Variants in AFAP1L2 observed in about 807,000 individuals in gnomAD.
AFAP1L2 encodes the protein actin filament associated protein 1 like 2.
A neutral mutation model predicts 99.3 loss-of-function variants in AFAP1L2; 46 were observed. The observed-to-expected ratio is 0.46, with a 90% CI of 0.37 to 0.59. The LOEUF (loss-of-function observed/expected upper bound fraction) is 0.59, where lower values mean the gene tolerates loss of function less well. Among genes scored for constraint, AFAP1L2 ranks in the 20% least tolerant of loss-of-function variants. AFAP1L2 has a pLI of 0.00. For synonymous variants in AFAP1L2, 397 were observed against 419.1 expected, an observed-to-expected ratio of 0.95 and a Z score of 0.64; for missense variants, 959 against 1,034.9, an observed-to-expected ratio of 0.93 and a Z score of 1.01.
At chr10:114,399,582 T>G (rs1483792464) in intron 1 of AFAP1L2, among the ~76,000 whole-genome samples, 1 of 152,212 alleles carries the variant, frequency 6.6e-6, no homozygotes, top group Non-Finnish European at 1.5e-5. Context: ...TAGGCCTCAG[T>G]TGGCCTGTCT....
At chr10:114,369,721 G>A (rs1394980964) in intron 1 of AFAP1L2, among the ~76,000 whole-genome samples, 4 of 151,912 alleles carry the variant, frequency 2.6e-5, no homozygotes, top group Non-Finnish European at 5.9e-5. Context: ...TGCCATTCTG[G>A]TTTTACCTAT....
At chr10:114,365,872 A>G (rs1248376024) in intron 1 of AFAP1L2, among the ~76,000 whole-genome samples, 3 of 151,858 alleles carry the variant, frequency 2.0e-5, no homozygotes, top group African/African-American at 4.8e-5. Context: ...GACTACATAC[A>G]GCATGGGCCA....
In AFAP1L2 at chr10:114,304,950, T is replaced by G; in HGVS notation, c.1073-20A>C. 6.8e-7 allele frequency: 1 copy of G among 1,474,494 alleles called. No individual in the cohort carries two copies. The highest frequency in any genetic ancestry group is 1.1e-5 in the South Asian group (1 of 89,270). 91.3% of individuals were successfully genotyped at this position (1,474,494 alleles called of 1,614,324 possible). ...GGTAACCTGCAGGAGGAAGTGCAGA[T>G]GCAGGAGGGGACAGGGCTGCAGGAG... On this transcript the variant is annotated intron_variant, in intron 10 of 18. Coordinates refer to ENST00000304129, the MANE Select transcript of AFAP1L2 (RefSeq NM_001001936.3).
chr10:114,360,044 G>T (rs1718787424), intron 1 of AFAP1L2, among the ~76,000 whole-genome samples: 1 of 152,166 alleles, frequency 6.6e-6, no homozygotes, highest in Admixed American at 6.5e-5. Flanking sequence ...CCAGGCATTT[G>T]GTCGAACATT....
At chr10:114,290,373 G>T, downstream of AFAP1L2, 1 of 1,550,428 alleles carries the variant, frequency 6.4e-7, no homozygotes, top group South Asian at 1.2e-5. Flanking sequence ...ACCGTGAGTG[G>T]AGCTCTTGCT....
chr10:114,364,411 C>A (rs116033368), intron 1 of AFAP1L2, among the ~76,000 whole-genome samples: 11 of 152,282 alleles, frequency 7.2e-5, no homozygotes, highest in Non-Finnish European at 1.2e-4. Context: ...TGGGGAAGAA[C>A]CTTACTTGGC....
At chr10:114,353,314 C>G (rs137862786) in intron 1 of AFAP1L2, among the ~76,000 whole-genome samples, 123 of 152,340 alleles carry the variant, frequency 8.1e-4, no homozygotes, top group African/African-American at 2.8e-3. Context: ...TAGATTCAGC[C>G]ATGACTCAAA....
chr10:114,368,938 A>G (rs2053689304), intron 1 of AFAP1L2, among the ~76,000 whole-genome samples: 1 of 152,066 alleles, frequency 6.6e-6, no homozygotes, highest in African/African-American at 2.4e-5. Flanking sequence ...TTATTTGTCA[A>G]TTATGTCTCA....
intron 1 of AFAP1L2, among the ~76,000 whole-genome samples, chr10:114,401,597 C>T (rs1197111780): frequency 6.6e-6 from 1 of 152,088 alleles, no homozygotes; most frequent in Non-Finnish European, 1.5e-5. Flanking sequence ...CATAAAAGTG[C>T]CATCTCTCTA....
chr10:114,389,693 G>A (rs1173569757), intron 1 of AFAP1L2, among the ~76,000 whole-genome samples: 1 of 152,200 alleles, frequency 6.6e-6, no homozygotes, highest in East Asian at 1.9e-4. Flanking sequence ...CCCCCGTTCT[G>A]TGACAATGGT....
chr10:114,310,094 T>G (rs2042995593), intron 8 of AFAP1L2, among the ~76,000 whole-genome samples: 1 of 152,036 alleles, frequency 6.6e-6, no homozygotes, highest in Non-Finnish European at 1.5e-5. Flanking sequence ...CGCCTGGCTA[T>G]TTTTGTATTT....
intron 1 of AFAP1L2, among the ~76,000 whole-genome samples, chr10:114,382,888 C>T (rs2055890478): frequency 6.6e-6 from 1 of 152,096 alleles, no homozygotes; most frequent in African/African-American, 2.4e-5. Flanking sequence ...AGCCACCATG[C>T]CCAGCAATAT....
the AFAP1L2 span, chr10:114,289,029 G>T: frequency 6.2e-7 from 1 of 1,614,192 alleles, no homozygotes; most frequent in South Asian, 1.1e-5. Flanking sequence ...AGAGCTTTGT[G>T]AGAAGCTGTG....
intron 1 of AFAP1L2, chr10:114,398,770 G>T: frequency 8.1e-7 from 1 of 1,238,074 alleles, no homozygotes; most frequent in East Asian, 5.6e-5. Context: ...CCCAGAGCAT[G>T]GGCAGAGCCA....
chr10:114,350,223 T>C (rs1374596517), intron 1 of AFAP1L2, among the ~76,000 whole-genome samples: 1 of 152,094 alleles, frequency 6.6e-6, no homozygotes, highest in Admixed American at 6.5e-5. Flanking sequence ...AAGACCTCAG[T>C]CCTACCAAGG....
chr10:114,306,907 A>C (rs2042543851), intron 10 of AFAP1L2, among the ~76,000 whole-genome samples: 1 of 152,144 alleles, frequency 6.6e-6, no homozygotes, highest in South Asian at 2.1e-4. Context: ...GAGAAGCCGG[A>C]GAATGCAAAG....
intron 1 of AFAP1L2, among the ~76,000 whole-genome samples, chr10:114,373,634 C>G (rs1169214222): frequency 6.6e-6 from 1 of 151,574 alleles, no homozygotes; most frequent in African/African-American, 2.4e-5. Context: ...CAAACACCAC[C>G]ACCAACGACA....
chr10:114,325,333 G>A lies in AFAP1L2; in HGVS notation c.316-2072C>T, dbSNP rs184210678. Among the ~76,000 whole-genome samples, 1,155 of 152,304 alleles carry A rather than the reference G, an allele frequency of 7.6e-3. 9 individuals are homozygous for A. The highest frequency in any genetic ancestry group is 0.012 in the Non-Finnish European group (823 of 68,026). On this transcript the variant is annotated intron_variant, in intron 4 of 18. Transcript: ENST00000304129. ...CCAGGGTCTGCAGGTTGCGCAGTGA[G>A]GGCAGTTAATGTGACAGGCAGTTAA...
intron 11 of AFAP1L2, among the ~76,000 whole-genome samples, 177 bp downstream of exon 11, chr10:114,304,542 G>A (rs1231742385): frequency 2.0e-5 from 3 of 152,150 alleles, no homozygotes; most frequent in African/African-American, 7.2e-5. Flanking sequence ...ACTACTCTGA[G>A]GTCAGAAAAG....
Sources: gnomAD v4.1 joint callset for allele counts (sites outside exome capture counted in the v4.1 genomes callset) on GRCh38, gnomAD v4.1.1 for gene constraint, MANE v1.5 for transcripts, NCBI Gene and HGNC (gene_info 2026-07-23, HGNC 2026-07-21) for gene names.